The following THOP1 variants were observed in gnomAD, a reference collection of about 807,000 sequenced individuals.
The protein encoded by THOP1 is thimet oligopeptidase.
THOP1 carries 49 observed loss-of-function variants against 71.8 expected under a neutral mutation model. The ratio of observed to expected loss-of-function variants is 0.68; its 90% CI spans 0.54 to 0.87. THOP1 has a LOEUF of 0.87. THOP1 is among the 40% of genes least tolerant of loss of function. THOP1 has a pLI of 0.00. For synonymous variants in THOP1, 426 were observed against 421.5 expected, an observed-to-expected ratio of 1.01 and a Z score of -0.13; for missense variants, 843 against 975.6, an observed-to-expected ratio of 0.86 and a Z score of 1.81.
chr19:2,792,799 G>T (rs1319438743), intron 2 of THOP1, among the ~76,000 whole-genome samples: 2 of 150,976 alleles, frequency 1.3e-5, no homozygotes, highest in Non-Finnish European at 3.0e-5. Context: ...GAGCACAAGT[G>T]TGTGCCACCG....
chr19:2,787,444 C>G (rs1216218612), intron 1 of THOP1, among the ~76,000 whole-genome samples: 2 of 152,202 alleles, frequency 1.3e-5, no homozygotes, highest in Non-Finnish European at 2.9e-5. Context: ...ACAAGTTTTT[C>G]AAATCCTAAC....
intron 3 of THOP1, among the ~76,000 whole-genome samples, chr19:2,795,200 T>G (rs1380978404): frequency 1.3e-5 from 2 of 152,230 alleles, no homozygotes; most frequent in Non-Finnish European, 2.9e-5. Context: ...CCTCAGGTGA[T>G]CCGCCCGCCT....
At position 2,806,971 on chromosome 19, in the gene THOP1, C is replaced by G; in HGVS notation, c.805C>G (p.Leu269Val). The change falls in exon 7 of 13, where the codon CTG becomes GTG. Residue 269 changes from leucine to valine, a missense_variant. By Grantham distance (32) the Leu-to-Val change is conservative. Coordinates refer to ENST00000307741, the MANE Select transcript of THOP1 (RefSeq NM_003249.5). ...LVTLRAQKSR[L>V]LGFHTHADYV... ...GACGCTGCGGGCCCAGAAGTCCCGC[C>G]TGCTGGGGTTCCACACGCACGCCGA... 6.2e-7 allele frequency: 1 copy of G among 1,613,122 alleles called. No individual in the cohort carries two copies. The highest frequency in any genetic ancestry group is 1.3e-5 in the African/African-American group (1 of 75,038).
intron 2 of THOP1, among the ~76,000 whole-genome samples, chr19:2,792,350 A>G (rs183225000): frequency 6.6e-6 from 1 of 150,884 alleles, no homozygotes; most frequent in East Asian, 2.0e-4. Context: ...TTTTTGGTAG[A>G]GATGAGGTCT....
At position 2,805,001 on chromosome 19, in the gene THOP1, G is replaced by A. The variant is rs747412009; in HGVS notation, c.590-15G>A. The A allele has an allele frequency of 2.5e-6, 4 of 1,608,226 alleles. No homozygotes were observed. The South Asian group carries it at 4.4e-5, about 18-fold the overall frequency. On this transcript the variant is annotated splice_polypyrimidine_tract_variant and intron_variant, in intron 5 of 12. Transcript: ENST00000307741. The surrounding 1 kb of genome is among the most constrained non-coding windows in gnomAD (Gnocchi z 6.6). The stretch of plus-strand genomic sequence containing the variant: ...CATCAGTCCTGTCAAAGCCACCCTG[G>A]TTCTGTCCCCATAGGAGGGCTCCCC...
Position 2,813,202 on chromosome 19 carries a change from C to A in THOP1, c.1996C>A (p.Pro666Thr). ...AMLRRFLGRDPKQDAFLLSKG... is the reference protein window; with the variant it reads ...AMLRRFLGRDTKQDAFLLSKG... ...GCTGAGGCGCTTCCTGGGCCGTGAC[C>A]CCAAGCAGGACGCCTTCCTCCTGAG... Residue 666 changes from proline to threonine, a missense_variant, in exon 13 of 13, where the codon CCC becomes ACC. Physicochemically the swap from Pro to Thr is conservative, Grantham distance 38. Coordinates refer to ENST00000307741, the MANE Select transcript of THOP1 (RefSeq NM_003249.5). The A allele has an allele frequency of 1.9e-6, 3 of 1,612,522 alleles. No individual in the cohort carries two copies. Among genetic ancestry groups the A allele is most frequent in the Non-Finnish European group, 2.5e-6 (3 of 1,179,808 alleles).
At chr19:2,793,975 G>GGGGTC (rs1458344585) in intron 2 of THOP1, among the ~76,000 whole-genome samples, 2 of 151,892 alleles carry the variant, frequency 1.3e-5, no homozygotes, top group Non-Finnish European at 2.9e-5. Context: ...TGGAGTCTTG[G>GGGGTC]GGGTCATGGG....
At position 2,807,669 on chromosome 19, in the gene THOP1, A is replaced by T; in HGVS notation, c.1114A>T (p.Ile372Phe). 6.2e-7 allele frequency: 1 copy of T among 1,607,126 alleles called. No homozygotes were observed. Among genetic ancestry groups the T allele is most frequent in the Non-Finnish European group, 8.5e-7 (1 of 1,175,532 alleles). Reference sequence around the variant, plus strand: ...GGTGGTCACGCACGGGCTGCTGGGCATCTACCAGGAGCTCCTGGGGCTGGC... The same window carrying T: ...GGTGGTCACGCACGGGCTGCTGGGCTTCTACCAGGAGCTCCTGGGGCTGGC... ...VQVVTHGLLG[I>F]YQELLGLAFH... The change falls in exon 8 of 13, where the codon ATC (isoleucine) becomes TTC (phenylalanine). Residue 372 changes from isoleucine to phenylalanine, a missense_variant. Ile to Phe is a conservative substitution (Grantham distance 21, BLOSUM62 0). Transcript: ENST00000307741.
intron 2 of THOP1, 112 bp downstream of exon 2, chr19:2,790,745 C>T: frequency 2.0e-6 from 2 of 992,620 alleles, no homozygotes; most frequent in Non-Finnish European, 2.8e-6. Context: ...TGAAGTGTCA[C>T]CAGCACCCTG....
intron 2 of THOP1, among the ~76,000 whole-genome samples, chr19:2,793,535 C>T (rs773630233): frequency 2.0e-5 from 3 of 151,744 alleles, no homozygotes; most frequent in African/African-American, 4.8e-5. Context: ...ACTAAAAATA[C>T]AAAAATTACC....
intron 5 of THOP1, among the ~76,000 whole-genome samples, chr19:2,802,188 C>T (rs1457295004): frequency 1.3e-5 from 2 of 151,434 alleles, no homozygotes; most frequent in Non-Finnish European, 2.9e-5. Flanking sequence ...CCAACACCGC[C>T]GTCTCCCGAT....
At chr19:2,794,708 G>A in intron 2 of THOP1, 56 bp from the exon 3 acceptor site, 1 of 1,570,974 alleles carries the variant, frequency 6.4e-7, no homozygotes, top group Non-Finnish European at 8.7e-7. Context: ...GGCAACACCT[G>A]CCAGTTGTAC....
At chr19:2,792,006 T>A (rs901972781) in intron 2 of THOP1, among the ~76,000 whole-genome samples, 4 of 152,222 alleles carry the variant, frequency 2.6e-5, no homozygotes, top group Non-Finnish European at 5.9e-5. Flanking sequence ...AATGCCTGGC[T>A]TCTCTCTGAT....
intron 9 of THOP1, chr19:2,809,965 G>A (rs930792603): frequency 2.7e-6 from 1 of 372,264 alleles, no homozygotes; most frequent in Non-Finnish European, 4.9e-6. Context: ...GCCTCACAGC[G>A]TCCCCACCCG....
In THOP1 at chr19:2,794,618, CT is replaced by C. The variant is rs1915967154; in HGVS notation, c.230-145del. On this transcript the variant is annotated intron_variant, in intron 2 of 12. Coordinates refer to ENST00000307741, the MANE Select transcript of THOP1 (RefSeq NM_003249.5). ...CTGGAGGGGACGGTGGCGTGTGCCT[CT>C]AGTCCCAGCTACTTGGGAGGCTGAG... is the stretch of plus-strand genomic sequence containing the variant. 9 of 981,786 alleles carry C rather than the reference CT, an allele frequency of 9.2e-6. 1 individual carries two copies. The highest frequency in any genetic ancestry group is 4.4e-5 in the Admixed American group (2 of 45,192). 60.8% of individuals were successfully genotyped at this position (981,786 alleles called of 1,614,324 possible). A position where few individuals can be genotyped will look rare whatever the true frequency, so the allele number is the denominator to read the frequency against.
intron 7 of THOP1, 35 bp from the exon 8 acceptor site, chr19:2,807,407 G>A (rs772091091): frequency 1.1e-4 from 167 of 1,540,042 alleles, no homozygotes; most frequent in Middle Eastern, 7.3e-4. Context: ...AGGAGCCCGC[G>A]AGGCGAGAGG....
Position 2,804,711 on chromosome 19 carries a change from T to G in THOP1, c.590-305T>G, listed in dbSNP as rs1487447879. On this transcript the variant is annotated intron_variant, in intron 5 of 12. Transcript: ENST00000307741. The surrounding 1 kb of genome is among the most constrained non-coding windows in gnomAD (Gnocchi z 4.7). ...GTCCGGGGGTTGGGCTGGATTTAGC[T>G]TTAACCTCTCTGGGGCAGGAGATCC... The G allele has an allele frequency of 3.4e-6, 1 of 295,154 alleles. No individual in the cohort carries two copies. The highest frequency in any genetic ancestry group is 6.3e-6 in the Non-Finnish European group (1 of 158,954). 18.3% of individuals were successfully genotyped at this position (295,154 alleles called of 1,614,324 possible).
Position 2,804,939 on chromosome 19 carries a change from A to G in THOP1, c.590-77A>G, listed in dbSNP as rs1916253067. 7.0e-7 allele frequency: 1 copy of G among 1,425,786 alleles called. No individual in the cohort carries two copies. Among genetic ancestry groups the G allele is most frequent in the South Asian group, 1.4e-5 (1 of 71,344 alleles). The allele number at this position is 1,425,786 out of a possible 1,614,324, so 88.3% of individuals were successfully genotyped here. On this transcript the variant is annotated intron_variant, in intron 5 of 12. Transcript: ENST00000307741. This position sits in a 1 kb window ranked among gnomAD's most constrained non-coding sequence, Gnocchi z 4.7. ...AGCTTTCCAGGCAGAGGGGAAGCCC[A>G]CCCCTTCCCTCACACGCTGTGTGCA...
chr19:2,799,054 G>A (rs574570586), intron 4 of THOP1, among the ~76,000 whole-genome samples: 10 of 152,294 alleles, frequency 6.6e-5, no homozygotes, highest in South Asian at 2.1e-4. Context: ...TGCCAGACAC[G>A]GTGACTCATG....
Sources: allele counts gnomAD v4.1 joint callset (sites outside exome capture counted in the v4.1 genomes callset), GRCh38; gene constraint gnomAD v4.1.1; non-coding constraint Gnocchi (gnomAD v3.1); transcripts MANE v1.5; gene names NCBI Gene and HGNC (gene_info 2026-07-23, HGNC 2026-07-21).